Variants in C16orf89 observed in about 807,000 individuals in gnomAD.
The protein encoded by C16orf89 is chromosome 16 open reading frame 89, also known as UPF0764 protein C16orf89.
C16orf89 carries 57 observed loss-of-function variants against 41.5 expected under a neutral mutation model. The observed-to-expected ratio is 1.38, with a 90% CI of 1.11 to 1.71. The LOEUF is 1.71. Ranked by LOEUF, C16orf89 falls within the 40% of genes most tolerant of loss-of-function variation. The pLI is 0.00. For missense variants in C16orf89, 575 were observed against 445.9 expected (o/e 1.29, Z -2.61); for synonymous variants, 223 against 190.6 (o/e 1.17, Z -1.40).
chr16:5,055,255 C>G lies in C16orf89; in HGVS notation c.859G>C (p.Gly287Arg). Residue 287 changes from glycine (G) to arginine (R), a missense_variant, in exon 6 of 8, where the codon GGG becomes CGG. By Grantham distance (125) the Gly-to-Arg change is moderately radical. Coordinates refer to ENST00000472572, the MANE Select transcript of C16orf89 (RefSeq NM_001098514.3). ...CAGCAGCGCAGCTCACCAGGCTCCC[C>G]GAAGCATCCTTCCTGCTGTTTCTGC... ...SWQKQQEGCF[G>R]EPDAEDEELS... 1.2e-6 allele frequency: 2 copies of G among 1,610,654 alleles called. No individual in the cohort carries two copies. The highest frequency in any genetic ancestry group is 1.1e-5 in the South Asian group (1 of 90,682).
intron 6 of C16orf89, among the ~76,000 whole-genome samples, chr16:5,053,087 A>G (rs988578026): frequency 6.6e-6 from 1 of 152,184 alleles, no homozygotes; most frequent in Admixed American, 6.6e-5. Flanking sequence ...ATCTCATAGA[A>G]GTGCAGTGTT....
intron 6 of C16orf89, among the ~76,000 whole-genome samples, chr16:5,052,027 C>T (rs746891588): frequency 3.4e-5 from 5 of 147,664 alleles, no homozygotes; most frequent in Non-Finnish European, 5.9e-5. Flanking sequence ...CGCTTGAACC[C>T]GAGAGGTGGA....
intron 6 of C16orf89, among the ~76,000 whole-genome samples, chr16:5,054,865 C>T (rs926444182): frequency 5.3e-5 from 8 of 152,204 alleles, no homozygotes; most frequent in Admixed American, 2.0e-4. Context: ...ACGTCCCTTT[C>T]GCCTTCCACT....
rs372576513 is a variant in C16orf89 at position 5,060,466 on chromosome 16, G to T, written c.359-30C>A. On this transcript the variant is annotated intron_variant, in intron 2 of 7. Transcript: ENST00000472572. ...CAGAGAGGACAGATAGATGGGGTGGGGTGTGGGGGTGACCCAGGAGCAGTG... is the reference window on the plus strand; with the variant it reads ...CAGAGAGGACAGATAGATGGGGTGGTGTGTGGGGGTGACCCAGGAGCAGTG... 140 of 1,594,086 alleles carry T rather than the reference G, an allele frequency of 8.8e-5. No homozygotes were observed. The African/African-American group carries it at 1.7e-3, about 20-fold the overall frequency.
chr16:5,048,022 A>C, intron 6 of C16orf89, 58 bp from the exon 7 acceptor site: 1 of 953,676 alleles, frequency 1.0e-6, no homozygotes, highest in Non-Finnish European at 1.6e-6. Flanking sequence ...TTACATTTTT[A>C]TTTCTTTTTA....
At chr16:5,057,292 GTA>G (rs113014669) in intron 4 of C16orf89, among the ~76,000 whole-genome samples, 24,625 of 139,984 alleles carry the variant, frequency 0.18, 2,314 homozygotes, top group East Asian at 0.34. Flanking sequence ...ATATATATGT[GTA>G]TATATATATA....
intron 6 of C16orf89, among the ~76,000 whole-genome samples, chr16:5,048,205 A>C (rs564940397): frequency 6.6e-6 from 1 of 151,138 alleles, no homozygotes; most frequent in Non-Finnish European, 1.5e-5. Flanking sequence ...TTTAAAAAAA[A>C]TTTTTTTTTG....
intron 6 of C16orf89, among the ~76,000 whole-genome samples, chr16:5,054,597 A>G (rs1028485330): frequency 6.6e-6 from 1 of 152,144 alleles, no homozygotes; most frequent in African/African-American, 2.4e-5. Context: ...CTGGTACATT[A>G]GTGGGTGCTC....
intron 6 of C16orf89, among the ~76,000 whole-genome samples, chr16:5,054,784 G>A (rs1383954370): frequency 6.6e-6 from 1 of 152,188 alleles, no homozygotes; most frequent in Non-Finnish European, 1.5e-5. Context: ...AAGTCTCACA[G>A]ATCTGATGGT....
chr16:5,056,453 A>C (rs1406842993), intron 4 of C16orf89, among the ~76,000 whole-genome samples: 3 of 152,114 alleles, frequency 2.0e-5, no homozygotes, highest in African/African-American at 7.2e-5. Flanking sequence ...AAGAGTTTTT[A>C]TCAGGAAAGG....
chr16:5,062,726 A>G (rs967147085), intron 1 of C16orf89, 152 bp from the exon 2 acceptor site: 2 of 893,964 alleles, frequency 2.2e-6, no homozygotes, highest in African/African-American at 3.4e-5. Context: ...TACTGAGCTG[A>G]CTGGAAATGA....
At chr16:5,052,681 A>G (rs1956419955) in intron 6 of C16orf89, among the ~76,000 whole-genome samples, 1 of 152,220 alleles carries the variant, frequency 6.6e-6, no homozygotes, top group African/African-American at 2.4e-5. Flanking sequence ...AGTTGATGGG[A>G]ATGTAAATTA....
intron 6 of C16orf89, 110 bp downstream of exon 6, chr16:5,055,136 C>A (rs1435981818): frequency 3.2e-6 from 3 of 939,824 alleles, no homozygotes; most frequent in African/African-American, 3.3e-5. Flanking sequence ...GGTTACAAAT[C>A]CCTTGGCAAC....
intron 7 of C16orf89, among the ~76,000 whole-genome samples, chr16:5,047,282 C>T (rs1163597623): frequency 6.6e-6 from 1 of 152,182 alleles, no homozygotes. Context: ...GTTTTCAGCT[C>T]TTACAACACC....
chr16:5,044,328 C>A lies in C16orf89; in HGVS notation c.*20G>T. The A allele has an allele frequency of 6.3e-7, 1 of 1,580,612 alleles. No individual in the cohort carries two copies. The highest frequency in any genetic ancestry group is 8.6e-7 in the Non-Finnish European group (1 of 1,164,912). On this transcript the variant is annotated 3_prime_UTR_variant, in exon 8 of 8. Coordinates refer to ENST00000472572, the MANE Select transcript of C16orf89 (RefSeq NM_001098514.3). ...AGGGGTCTGTTCCTCCTCCAGGCAGCTGGCATGGAACCGTCCGTCTCAGCG... is the reference window on the plus strand; with the variant it reads ...AGGGGTCTGTTCCTCCTCCAGGCAGATGGCATGGAACCGTCCGTCTCAGCG...
intron 2 of C16orf89, among the ~76,000 whole-genome samples, chr16:5,061,579 G>C (rs1956628743): frequency 6.6e-6 from 1 of 150,860 alleles, no homozygotes; most frequent in African/African-American, 2.4e-5. Context: ...TTGGTTTGGT[G>C]AGAACGTGGA....
At chr16:5,060,945 CTTTTT>C (rs386384101) in intron 2 of C16orf89, among the ~76,000 whole-genome samples, 1 of 93,514 alleles carries the variant, frequency 1.1e-5, no homozygotes, top group East Asian at 4.7e-4. Flanking sequence ...TATGATCAGC[CTTTTT>C]TTTTTTTTTT....
At chr16:5,064,655 G>A (rs1272390263) in intron 1 of C16orf89, among the ~76,000 whole-genome samples, 1 of 152,234 alleles carries the variant, frequency 6.6e-6, no homozygotes. Context: ...CAGTTCACGG[G>A]TGTGGTTGTA....
At chr16:5,064,453 G>A (rs1735249727) in intron 1 of C16orf89, among the ~76,000 whole-genome samples, 1 of 152,222 alleles carries the variant, frequency 6.6e-6, no homozygotes, top group Non-Finnish European at 1.5e-5. Context: ...AATCTCATGA[G>A]ACACATGTGC....
Sources: allele counts gnomAD v4.1 joint callset (sites outside exome capture counted in the v4.1 genomes callset), GRCh38; gene constraint gnomAD v4.1.1; transcripts MANE v1.5; gene names NCBI Gene and HGNC (gene_info 2026-07-23, HGNC 2026-07-21).